The following MTHFD1L variants were observed in gnomAD, a reference collection of about 807,000 sequenced individuals.
MTHFD1L encodes monofunctional C1-tetrahydrofolate synthase, mitochondrial.
A neutral mutation model predicts 119.5 loss-of-function variants in MTHFD1L; 81 were observed. The observed-to-expected ratio is 0.68, with a 90% confidence interval of 0.57 to 0.82. The LOEUF (loss-of-function observed/expected upper bound fraction) is 0.82, where lower values mean the gene tolerates loss of function less well. MTHFD1L is among the 40% of genes least tolerant of loss of function. The pLI, the probability that MTHFD1L is intolerant of heterozygous loss-of-function variation, is 0.00. For missense variants in MTHFD1L, 1,125 were observed against 1,253.4 expected (o/e 0.90, Z 1.55); for synonymous variants, 430 against 475.2 (o/e 0.90, Z 1.24).
At chr6:151,060,519 C>T (rs1790486867) in intron 26 of MTHFD1L, among the ~76,000 whole-genome samples, 1 of 152,180 alleles carries the variant, frequency 6.6e-6, no homozygotes, top group African/African-American at 2.4e-5. Flanking sequence ...GCCCCCTGCT[C>T]CAGGAGCCAG....
At chr6:151,054,404 A>G (rs1789562267) in intron 26 of MTHFD1L, among the ~76,000 whole-genome samples, 2 of 152,212 alleles carry the variant, frequency 1.3e-5, no homozygotes, top group South Asian at 4.2e-4. Context: ...CGCGTCCATA[A>G]ATCCTTCTCT....
intron 20 of MTHFD1L, among the ~76,000 whole-genome samples, chr6:151,002,851 C>T (rs186698936): frequency 3.1e-4 from 47 of 152,284 alleles, no homozygotes; most frequent in Admixed American, 2.5e-3. Flanking sequence ...AAGCTGTCGG[C>T]GCCTCAGTGC....
At chr6:151,049,135 C>T (rs1176783027) in intron 26 of MTHFD1L, among the ~76,000 whole-genome samples, 1 of 152,224 alleles carries the variant, frequency 6.6e-6, no homozygotes, top group Non-Finnish European at 1.5e-5. Flanking sequence ...GTAGGTGGAT[C>T]ACTTGAGGTC....
intron 16 of MTHFD1L, among the ~76,000 whole-genome samples, chr6:150,951,484 CTAGT>C (rs1794873838): frequency 6.6e-6 from 1 of 152,130 alleles, no homozygotes; most frequent in African/African-American, 2.4e-5. Context: ...TGGTATAACT[CTAGT>C]TATAACTTTA....
At chr6:151,095,127 A>G (rs1794794956) in intron 27 of MTHFD1L, among the ~76,000 whole-genome samples, 1 of 152,226 alleles carries the variant, frequency 6.6e-6, no homozygotes, top group South Asian at 2.1e-4. Context: ...TTGAGCCATA[A>G]CTGCATCTTT....
chr6:151,091,095 T>C (rs1264808323), intron 26 of MTHFD1L, among the ~76,000 whole-genome samples: 13 of 130,098 alleles, frequency 1.0e-4, no homozygotes, highest in African/African-American at 3.2e-4. Context: ...TGCAGCATCG[T>C]TCCATGCGAC....
chr6:151,092,349 C>T, intron 26 of MTHFD1L, 118 bp from the exon 27 acceptor site: 1 of 699,618 alleles, frequency 1.4e-6, no homozygotes, highest in Non-Finnish European at 2.4e-6. Context: ...AGATATATCC[C>T]ATATAAAACC....
At chr6:150,994,331 G>C (rs1779537089) in intron 20 of MTHFD1L, among the ~76,000 whole-genome samples, 1 of 152,056 alleles carries the variant, frequency 6.6e-6, no homozygotes, top group African/African-American at 2.4e-5. Flanking sequence ...AACATACCTG[G>C]TTACATCTCA....
intron 7 of MTHFD1L, among the ~76,000 whole-genome samples, chr6:150,904,357 G>T (rs1370311369): frequency 6.6e-6 from 1 of 152,194 alleles, no homozygotes; most frequent in East Asian, 1.9e-4. Context: ...GAAAGACAGT[G>T]GGGGAAGAGA....
intron 24 of MTHFD1L, among the ~76,000 whole-genome samples, chr6:151,030,055 CCAT>C (rs1186608504): frequency 6.6e-6 from 1 of 152,190 alleles, no homozygotes; most frequent in Non-Finnish European, 1.5e-5. Context: ...CGTTCTCACT[CCAT>C]AATAATATGA....
In MTHFD1L at chr6:151,057,533, G is replaced by A. The variant is rs574575096; in HGVS notation, c.2847+20416G>A. Among the ~76,000 whole-genome samples the A allele has an allele frequency of 8.5e-5, 13 of 152,136 alleles. No homozygotes were observed. The East Asian group carries it at 2.5e-3, about 30-fold the overall frequency. On this transcript the variant is annotated intron_variant, in intron 26 of 27. Transcript: ENST00000367321. ...TGTAGTCCCAGCTACTCAGGAGGCT[G>A]GGGTGGGACCATCGCTTGGGCCCAG...
At chr6:150,962,914 CTTTT>C (rs4035893) in intron 18 of MTHFD1L, among the ~76,000 whole-genome samples, 9 of 114,142 alleles carry the variant, frequency 7.9e-5, no homozygotes, top group Admixed American at 1.9e-4. Flanking sequence ...CTTTTCTTTT[CTTTT>C]TTTTTTTTTT....
intron 20 of MTHFD1L, among the ~76,000 whole-genome samples, chr6:150,994,085 G>GA (rs60762904): frequency 1.0e-5 from 1 of 97,852 alleles, no homozygotes; most frequent in African/African-American, 6.7e-5. Flanking sequence ...AAAAAAGAAA[G>GA]AAAGAAAGAA....
At chr6:150,941,662 C>T (rs1260119643) in intron 13 of MTHFD1L, among the ~76,000 whole-genome samples, 1 of 152,092 alleles carries the variant, frequency 6.6e-6, no homozygotes, top group Non-Finnish European at 1.5e-5. Context: ...GATTCAAGGA[C>T]GACATCCAGG....
intron 8 of MTHFD1L, among the ~76,000 whole-genome samples, chr6:150,913,478 G>C (rs1029800719): frequency 1.3e-5 from 2 of 151,744 alleles, no homozygotes; most frequent in African/African-American, 4.8e-5. Context: ...ACTGATTTTT[G>C]TACCTTTTCT....
rs757632976 is a variant in MTHFD1L, at chr6:150,938,708, C to T, written c.1403C>T (p.Ala468Val). ...TTGCTCTGTTGTTTAGGAGGAGCCG[C>T]GGGTGGTGGATATGCCCAGGTCATC... ...GPTFGVKGGA[A>V]GGGYAQVIPM... The change falls in exon 13 of 28, where the codon GCG (alanine) becomes GTG (valine). Residue 468 changes from alanine (A) to valine (V), a missense_variant. Physicochemically the swap from Ala to Val is moderately conservative, Grantham distance 64. Coordinates refer to ENST00000367321, the MANE Select transcript of MTHFD1L (RefSeq NM_015440.5). 4.3e-6 allele frequency: 7 copies of T among 1,610,520 alleles called. No individual in the cohort carries two copies. Among genetic ancestry groups the T allele is most frequent in the Admixed American group, 1.7e-5 (1 of 59,542 alleles).
chr6:151,004,741 C>T (rs1781147124), intron 20 of MTHFD1L, among the ~76,000 whole-genome samples: 1 of 152,200 alleles, frequency 6.6e-6, no homozygotes, highest in Admixed American at 6.5e-5. Context: ...TCAAACCATG[C>T]TATAGAATCA....
intron 8 of MTHFD1L, among the ~76,000 whole-genome samples, chr6:150,913,889 G>C (rs1787393411): frequency 6.6e-6 from 1 of 152,152 alleles, no homozygotes; most frequent in African/African-American, 2.4e-5. Context: ...CTAGCACTTT[G>C]GGAGGCCAAG....
intron 13 of MTHFD1L, among the ~76,000 whole-genome samples, chr6:150,943,469 G>GA (rs977682370): frequency 1.0e-4 from 15 of 146,118 alleles, no homozygotes; most frequent in East Asian, 6.0e-4. Flanking sequence ...TGTCTCTACA[G>GA]AAAAAAAAAG....
Sources: gnomAD v4.1 joint callset for allele counts (sites outside exome capture counted in the v4.1 genomes callset) on GRCh38, gnomAD v4.1.1 for gene constraint, MANE v1.5 for transcripts, NCBI Gene and HGNC (gene_info 2026-07-23, HGNC 2026-07-21) for gene names.